Variants in ZNF558 observed in about 807,000 individuals in gnomAD.
ZNF558 encodes zinc finger protein 558.
A neutral mutation model predicts 37.6 loss-of-function variants in ZNF558; 23 were observed. The ratio of observed to expected loss-of-function variants is 0.61; its 90% CI spans 0.44 to 0.87. The LOEUF is 0.87. Among genes scored for constraint, ZNF558 ranks in the 40% least tolerant of loss-of-function variants. ZNF558 has a pLI of 0.00. For missense variants in ZNF558, 429 were observed against 483.7 expected, an observed-to-expected ratio of 0.89 and a Z score of 1.06; for synonymous variants, 189 against 174.4, an observed-to-expected ratio of 1.08 and a Z score of -0.66.
chr19:8,819,815 C>CT (rs2044036613), intron 7 of ZNF558, among the ~76,000 whole-genome samples: 1 of 152,082 alleles, frequency 6.6e-6, no homozygotes, highest in African/African-American at 2.4e-5. Context: ...GTGGCACATG[C>CT]CTGTAATTCC....
At chr19:8,817,786 T>G (rs1052361393) in intron 7 of ZNF558, among the ~76,000 whole-genome samples, 2 of 152,264 alleles carry the variant, frequency 1.3e-5, no homozygotes, top group African/African-American at 4.8e-5. Context: ...ATGGAGAAAA[T>G]GTAACGATTA....
upstream of ZNF558, among the ~76,000 whole-genome samples, chr19:8,834,709 T>C (rs546673488): frequency 8.1e-5 from 12 of 147,522 alleles, no homozygotes; most frequent in South Asian, 1.1e-3. Context: ...CTTCACACCA[T>C]GTACAAAAGT....
chr19:8,815,654 C>T (rs931246662), intron 7 of ZNF558, among the ~76,000 whole-genome samples: 16 of 152,004 alleles, frequency 1.1e-4, no homozygotes, highest in Non-Finnish European at 1.6e-4. Context: ...TGGTGATGCA[C>T]GTCTCTAGCC....
At chr19:8,836,275 C>T (rs957092223), upstream of ZNF558, among the ~76,000 whole-genome samples, 4 of 152,086 alleles carry the variant, frequency 2.6e-5, no homozygotes, top group Non-Finnish European at 5.9e-5. Flanking sequence ...ATGAGTGCTT[C>T]TTCCTCAAAA....
chr19:8,834,336 G>A (rs1026484361), upstream of ZNF558, among the ~76,000 whole-genome samples: 5 of 152,226 alleles, frequency 3.3e-5, no homozygotes, highest in East Asian at 7.7e-4. Flanking sequence ...TGGGCTGGGC[G>A]TGGTGGCTCA....
At position 8,812,573 on chromosome 19, in the gene ZNF558, T is replaced by C; in HGVS notation, c.414A>G (p.Lys138=). ...ATGTTAGTCTTACCGTTTTTACACC[T>C]TTAGACTGTTCTTTTCTGAAAACAT... ...KKNVFRKEQS[K]GVKTERSHRG... The change falls in exon 9 of 10, where the codon AAA becomes AAG. Residue 138 remains lysine (K), a synonymous_variant. Coordinates refer to ENST00000601372, the MANE Select transcript of ZNF558 (RefSeq NM_144693.3). 6.2e-7 allele frequency: 1 copy of C among 1,602,938 alleles called. No individual in the cohort carries two copies. Among genetic ancestry groups the C allele is most frequent in the Non-Finnish European group, 8.5e-7 (1 of 1,177,006 alleles).
chr19:8,821,751 T>A, intron 6 of ZNF558: 1 of 1,340,122 alleles, frequency 7.5e-7, no homozygotes, highest in South Asian at 1.8e-5. Flanking sequence ...ATCACGTCTT[T>A]ACTTGGCTTT....
intron 2 of ZNF558, among the ~76,000 whole-genome samples, chr19:8,826,126 C>T (rs1009402725): frequency 6.6e-6 from 1 of 151,986 alleles, no homozygotes; most frequent in Non-Finnish European, 1.5e-5. Flanking sequence ...CTGGTGGCCT[C>T]TACAAGATGA....
Position 8,810,089 on chromosome 19 carries a change from T to C in ZNF558, c.*1192A>G, listed in dbSNP as rs2043748370. ...GGCATCACTGAAGGCTTTCTCTTCT[T>C]CTTTATATTTCAAGTTTCTCTGTAG... On this transcript the variant is annotated 3_prime_UTR_variant, in exon 10 of 10. Transcript: ENST00000601372. 1 of 152,226 alleles carries C rather than the reference T, an allele frequency of 6.6e-6. No individual in the cohort carries two copies. The highest frequency in any genetic ancestry group is 1.5e-5 in the Non-Finnish European group (1 of 68,044). The allele number at this position is 152,226 out of a possible 1,614,324, so 9.4% of individuals were successfully genotyped here.
intron 7 of ZNF558, among the ~76,000 whole-genome samples, chr19:8,815,463 T>A (rs1306987635): frequency 1.3e-5 from 2 of 151,922 alleles, no homozygotes; most frequent in Non-Finnish European, 2.9e-5. Context: ...GATAGGACAA[T>A]CGATATTATC....
intron 9 of ZNF558, 140 bp downstream of exon 9, chr19:8,812,421 C>T: frequency 1.9e-6 from 1 of 517,594 alleles, no homozygotes; most frequent in Non-Finnish European, 3.3e-6. Flanking sequence ...ATAATTTTCA[C>T]AGTGTCTCTC....
chr19:8,821,382 C>CA, intron 6 of ZNF558, 76 bp from the exon 7 acceptor site: 3 of 1,613,658 alleles, frequency 1.9e-6, no homozygotes, highest in Non-Finnish European at 2.5e-6. Context: ...GCCAGGAGAA[C>CA]AGAGCCAGGG....
At position 8,811,162 on chromosome 19, in the gene ZNF558, T is replaced by C; in HGVS notation, c.*119A>G. On this transcript the variant is annotated 3_prime_UTR_variant, in exon 10 of 10. Transcript: ENST00000601372. ...CATTTCGTGTTTGAAGCCACAAAAT[T>C]TGCGGGGATCATTTGTTATGCTGCA... 2 of 1,103,664 alleles carry C rather than the reference T, an allele frequency of 1.8e-6. No homozygotes were observed. The highest frequency in any genetic ancestry group is 3.6e-5 in the South Asian group (2 of 55,872). 68.4% of individuals were successfully genotyped at this position (1,103,664 alleles called of 1,614,324 possible).
upstream of ZNF558, chr19:8,832,393 T>TG (rs1250368754): frequency 2.0e-5 from 3 of 152,868 alleles, no homozygotes; most frequent in African/African-American, 4.8e-5. Context: ...TCGAGCGTGT[T>TG]GGGGGTTCGG....
rs1599245623 is a variant in ZNF558, at chr19:8,810,497, A to G, written c.*784T>C. The stretch of plus-strand genomic sequence containing the variant: ...CCATTCTTCAGGATTCTCTCAGTAC[A>G]TAATCTTCTGGGCCCATGAAGGTGA... On this transcript the variant is annotated 3_prime_UTR_variant, in exon 10 of 10. Coordinates refer to ENST00000601372, the MANE Select transcript of ZNF558 (RefSeq NM_144693.3). The G allele has an allele frequency of 5.3e-5, 8 of 152,346 alleles. 1 individual carries two copies. The highest frequency in any genetic ancestry group is 1.3e-4 in the Admixed American group (2 of 15,306). 9.4% of individuals were successfully genotyped at this position (152,346 alleles called of 1,614,324 possible).
chr19:8,817,822 C>A (rs2043977683), intron 7 of ZNF558, among the ~76,000 whole-genome samples: 1 of 152,072 alleles, frequency 6.6e-6, no homozygotes, highest in Non-Finnish European at 1.5e-5. Flanking sequence ...CTAATAAGAA[C>A]TCCAAAATGT....
chr19:8,812,053 T>C lies in ZNF558; in HGVS notation c.437A>G (p.His146Arg), dbSNP rs56383995. 2,303 of 1,584,900 alleles carry C rather than the reference T, an allele frequency of 1.5e-3. 42 individuals carry two copies. In the African/African-American group the frequency reaches 0.027, roughly 18 times the overall value. Reference protein sequence around the residue: ...QSKGVKTERSHRGVKLNECNQ... With the variant: ...QSKGVKTERSRRGVKLNECNQ... ...ACATTCATTGAGTTTCACTCCACGA[T>C]GACTTCTTTCCTGTGGATTAAGAGA... The change falls in exon 10 of 10, where the codon CAT becomes CGT. Residue 146 changes from histidine (H) to arginine (R), a missense_variant. Transcript: ENST00000601372.
rs549956480 is a variant in ZNF558, at chr19:8,807,581, G to C, written c.*3700C>G. ...CTCCAGCTGTATTGGCCTCCTTGTT[G>C]TGGGCCTTTGCATGCCAACACTACT... On this transcript the variant is annotated 3_prime_UTR_variant, in exon 10 of 10. Transcript: ENST00000601372. 1.3e-5 allele frequency: 2 copies of C among 152,070 alleles called. No individual in the cohort carries two copies. Among genetic ancestry groups the C allele is most frequent in the African/African-American group, 2.4e-5 (1 of 41,392 alleles). The allele number at this position is 152,070 out of a possible 1,614,324, so 9.4% of individuals were successfully genotyped here.
chr19:8,813,702 C>T (rs1320581592), intron 7 of ZNF558, among the ~76,000 whole-genome samples: 1 of 152,164 alleles, frequency 6.6e-6, no homozygotes, highest in African/African-American at 2.4e-5. Context: ...GTAACTCTCA[C>T]TGAACAAAAA....
Sources: gnomAD v4.1 joint callset for allele counts (sites outside exome capture counted in the v4.1 genomes callset) on GRCh38, gnomAD v4.1.1 for gene constraint, MANE v1.5 for transcripts, NCBI Gene and HGNC (gene_info 2026-07-23, HGNC 2026-07-21) for gene names.